Variants in COL17A1 observed in about 807,000 individuals in gnomAD.
COL17A1 encodes the protein collagen alpha-1(XVII) chain.
COL17A1 carries 181 observed loss-of-function variants against 218.4 expected under a neutral mutation model. The observed-to-expected ratio is 0.83, with a 90% CI of 0.73 to 0.94. The LOEUF is 0.94. COL17A1 is among the 40% of genes least tolerant of loss of function. The probability of loss-of-function intolerance (pLI) is 0.00; values close to 1 mark genes in which losing one functional copy is unlikely to be tolerated. For missense variants in COL17A1, 1,924 were observed against 1,945.9 expected, an observed-to-expected ratio of 0.99 and a Z score of 0.21; for synonymous variants, 721 against 731.0, an observed-to-expected ratio of 0.99 and a Z score of 0.22.
intron 11 of COL17A1, among the ~76,000 whole-genome samples, chr10:104,062,853 G>C (rs2086595205): frequency 6.6e-6 from 1 of 152,136 alleles, no homozygotes; most frequent in Non-Finnish European, 1.5e-5. Flanking sequence ...TTGATTGCTT[G>C]TTTGTTTGTT....
chr10:104,079,926 CAAAAA>C (rs11369650), intron 2 of COL17A1, among the ~76,000 whole-genome samples: 2 of 135,012 alleles, frequency 1.5e-5, no homozygotes, highest in Non-Finnish European at 3.1e-5. Flanking sequence ...GACTCCGTCT[CAAAAA>C]AAAAAAAAAA....
Position 104,070,484 on chromosome 10 carries a change from G to T in COL17A1, c.549C>A (p.Leu183=), listed in dbSNP as rs1428835384. Residue 183 remains leucine, a synonymous_variant, in exon 9 of 56, where the codon CTC becomes CTA. Transcript: ENST00000648076. ...VSPTRNSSNT[L]PIPKKGTVET... is the part of the protein sequence containing the mutation. ...CCACAGTGCCTTTCTTGGGGATGGG[G>T]AGTGTGTTGGAGGAATTCCGGGTGG... 6.2e-7 allele frequency: 1 copy of T among 1,614,070 alleles called. No individual in the cohort carries two copies. Among genetic ancestry groups the T allele is most frequent in the Non-Finnish European group, 8.5e-7 (1 of 1,180,052 alleles).
intron 48 of COL17A1, 91 bp downstream of exon 48, chr10:104,036,401 T>C (rs1589556893): frequency 1.3e-6 from 2 of 1,556,424 alleles, no homozygotes; most frequent in East Asian, 2.2e-5. Flanking sequence ...CAGGTGGGGG[T>C]CAGTGGGGCA....
chr10:104,038,227 CACAT>C (rs1225262150), intron 45 of COL17A1, among the ~76,000 whole-genome samples, 175 bp downstream of exon 45: 6 of 105,304 alleles, frequency 5.7e-5, no homozygotes, highest in South Asian at 3.3e-4. Context: ...CACATAGACA[CACAT>C]ACACACACAC....
intron 52 of COL17A1, 34 bp downstream of exon 52, chr10:104,033,911 C>T: frequency 6.2e-7 from 1 of 1,613,874 alleles, no homozygotes; most frequent in Non-Finnish European, 8.5e-7. Context: ...ACGCTCCTTC[C>T]CCCCAGCACC....
At chr10:104,050,145 G>C (rs780242093) in intron 27 of COL17A1, 21 bp from the exon 28 acceptor site, 6 of 1,614,060 alleles carry the variant, frequency 3.7e-6, no homozygotes, top group Non-Finnish European at 5.1e-6. Context: ...CAAGGGGGAG[G>C]TGGAAAAAGC....
chr10:104,071,301 G>A (rs1296112700), intron 8 of COL17A1, among the ~76,000 whole-genome samples: 1 of 152,184 alleles, frequency 6.6e-6, no homozygotes, highest in Non-Finnish European at 1.5e-5. Flanking sequence ...GGACTCAGGT[G>A]AGAAGGTGTC....
chr10:104,085,127 C>G (rs192642016), intron 1 of COL17A1, among the ~76,000 whole-genome samples: 30 of 152,210 alleles, frequency 2.0e-4, no homozygotes, highest in African/African-American at 6.5e-4. Flanking sequence ...TTTGATCCTG[C>G]AAAATTTCTG....
In COL17A1 at chr10:104,053,098, C is replaced by T. The variant is rs1316491444; in HGVS notation, c.1872G>A (p.Gly624=). Reference sequence around the variant, plus strand: ...CACGAGGTCCCATGGGGCCTTCTCGCCCTCTCTGGCCCATGGGGCCTTCCA... The same window carrying T: ...CACGAGGTCCCATGGGGCCTTCTCGTCCTCTCTGGCCCATGGGGCCTTCCA... ...PGMEGPMGQR[G]REGPMGPRGE... Residue 624 remains glycine (G), a synonymous_variant, in exon 23 of 56, where the codon GGG becomes GGA. Coordinates refer to ENST00000648076, the MANE Select transcript of COL17A1 (RefSeq NM_000494.4). 6.2e-7 allele frequency: 1 copy of T among 1,613,844 alleles called. No individual in the cohort carries two copies. The highest frequency in any genetic ancestry group is 1.7e-5 in the Admixed American group (1 of 60,032).
chr10:104,056,821 T>C lies in COL17A1; in HGVS notation c.1465+154A>G, dbSNP rs569560891. On this transcript the variant is annotated intron_variant, in intron 17 of 55. Transcript: ENST00000648076. ...CCAGGTACCTCCTGGGGCCTCAGTT[T>C]ACTCATCTGCGGTAACAAGGGTCTG... is the stretch of plus-strand genomic sequence containing the variant. Among the ~76,000 whole-genome samples the C allele has an allele frequency of 2.0e-5, 3 of 152,270 alleles. No individual in the cohort carries two copies. The East Asian group carries it at 5.8e-4, about 29-fold the overall frequency.
At position 104,036,128 on chromosome 10, in the gene COL17A1, G is replaced by GTGTC. The variant is rs1564671394; in HGVS notation, c.3418+363_3418+364insGACA. Among the ~76,000 whole-genome samples the GTGTC allele has an allele frequency of 2.1e-3, 113 of 53,884 alleles. 45 individuals carry two copies. The highest frequency in any genetic ancestry group is 7.0e-3 in the South Asian group (10 of 1,432). 35.3% of individuals were successfully genotyped at this position (53,884 alleles called of 152,430 possible). A position where few individuals can be genotyped will look rare whatever the true frequency, so the allele number is the denominator to read the frequency against. On this transcript the variant is annotated intron_variant, in intron 48 of 55. Transcript: ENST00000648076. ...GGAGTGTGTGTGTATGGGAGTGTGT[G>GTGTC]TATATGTGTGTGTATGGGTGTATGG...
At chr10:104,048,256 A>T (rs2086433606) in intron 29 of COL17A1, 152 bp from the exon 30 acceptor site, 2 of 810,996 alleles carry the variant, frequency 2.5e-6, no homozygotes, top group Non-Finnish European at 2.2e-6. Context: ...CACTCTCTGG[A>T]TACGGTACTC....
chr10:104,050,632 G>A lies in COL17A1; in HGVS notation c.2117C>T (p.Pro706Leu), dbSNP rs2086459899. 4 of 1,613,438 alleles carry A rather than the reference G, an allele frequency of 2.5e-6. No homozygotes were observed. Among genetic ancestry groups the A allele is most frequent in the East Asian group, 4.5e-5 (2 of 44,884 alleles). Residue 706 changes from proline (P) to leucine (L), a missense_variant, in exon 27 of 56, where the codon CCA becomes CTA. Coordinates refer to ENST00000648076, the MANE Select transcript of COL17A1 (RefSeq NM_000494.4). ...AGTGAGTGGCATACCTTTGGGTCCT[G>A]GTGGTCCCATTGGTCCTTTGTCACC... ...VKGDKGPMGPPGPKGDQGEKG... is the reference protein window; with the variant it reads ...VKGDKGPMGPLGPKGDQGEKG...
chr10:104,059,522 G>A (rs2086562062), intron 15 of COL17A1, 116 bp downstream of exon 15: 3 of 896,640 alleles, frequency 3.3e-6, no homozygotes, highest in Non-Finnish European at 3.7e-6. Flanking sequence ...ACTCCCAGGT[G>A]TGGCTGATGC....
intron 53 of COL17A1, 104 bp downstream of exon 53, chr10:104,033,134 A>ATGTT: frequency 6.5e-7 from 1 of 1,534,746 alleles, no homozygotes; most frequent in Non-Finnish European, 8.8e-7. Flanking sequence ...AGCATCTCAA[A>ATGTT]TGTTAATAAC....
At chr10:104,041,899 T>C (rs1345247528) in intron 36 of COL17A1, among the ~76,000 whole-genome samples, 3 of 151,700 alleles carry the variant, frequency 2.0e-5, no homozygotes, top group Admixed American at 2.0e-4. Context: ...TCCTCCTCTG[T>C]AAACCAAGGT....
intron 1 of COL17A1, among the ~76,000 whole-genome samples, chr10:104,084,663 A>G (rs1356888582): frequency 6.6e-6 from 1 of 152,042 alleles, no homozygotes; most frequent in Non-Finnish European, 1.5e-5. Flanking sequence ...TTCCTGTGTA[A>G]ACTCTGATCA....
At chr10:104,065,303 C>A (rs2086617693) in intron 9 of COL17A1, among the ~76,000 whole-genome samples, 1 of 152,184 alleles carries the variant, frequency 6.6e-6, no homozygotes. Flanking sequence ...AGGCTTTTCT[C>A]CAGTAGTGAA....
intron 51 of COL17A1, 26 bp downstream of exon 51, chr10:104,034,595 T>TGGGGCATCACCGTC: frequency 6.2e-7 from 1 of 1,605,906 alleles, no homozygotes. Context: ...GGGTGCCTGG[T>TGGGGCATCACCGTC]GGGGCATCAC....
Sources: gnomAD v4.1 joint callset for allele counts (sites outside exome capture counted in the v4.1 genomes callset) on GRCh38, gnomAD v4.1.1 for gene constraint, MANE v1.5 for transcripts, NCBI Gene and HGNC (gene_info 2026-07-23, HGNC 2026-07-21) for gene names.